Variants in RPS20 observed in about 807,000 individuals in gnomAD.
RPS20 encodes the protein small ribosomal subunit protein uS10.
A neutral mutation model predicts 15.3 loss-of-function variants in RPS20; 3 were observed. That is an observed-to-expected ratio of 0.20 (90% confidence interval 0.09 to 0.51). The LOEUF is 0.51. Ranked by LOEUF, RPS20 falls within the 20% of genes least tolerant of loss-of-function variation. The pLI is 0.96. For synonymous variants in RPS20, 62 were observed against 47.8 expected (o/e 1.30, Z -1.23); for missense variants, 67 against 145.9 (o/e 0.46, Z 2.79).
rs773566296 is a variant in RPS20 at position 56,073,084 on chromosome 8, G to C, written c.*6C>G. 2 of 1,589,792 alleles carry C rather than the reference G, an allele frequency of 1.3e-6. No homozygotes were observed. The highest frequency in any genetic ancestry group is 2.2e-5 in the South Asian group (2 of 90,126). On this transcript the variant is annotated 3_prime_UTR_variant, in exon 4 of 4. Transcript: ENST00000009589. ...AACTGGTCATCAATTTATTAAAATA[G>C]TTGACTTAAGCATCTGCAATGGTGA...
chr8:56,071,051 G>A (rs1005769561), downstream of RPS20, among the ~76,000 whole-genome samples: 1 of 152,172 alleles, frequency 6.6e-6, no homozygotes, highest in African/African-American at 2.4e-5. Flanking sequence ...GATAACAGCA[G>A]TTTCAAATTT....
At chr8:56,072,034 A>T (rs1809775356), downstream of RPS20, among the ~76,000 whole-genome samples, 1 of 152,164 alleles carries the variant, frequency 6.6e-6, no homozygotes. Flanking sequence ...TTGAGTCTTC[A>T]GAGTTCCAGA....
chr8:56,070,913 A>C (rs989164359), downstream of RPS20, among the ~76,000 whole-genome samples: 1 of 152,200 alleles, frequency 6.6e-6, no homozygotes, highest in East Asian at 1.9e-4. Context: ...TCCATACAAG[A>C]TGGCCTGTTA....
intron 2 of RPS20, 124 bp downstream of exon 2, chr8:56,073,936 T>C (rs187764317): frequency 5.4e-6 from 6 of 1,116,136 alleles, no homozygotes; most frequent in Middle Eastern, 2.0e-4. Context: ...TAAGCCACGC[T>C]TTACTTTTTT....
downstream of RPS20, chr8:56,068,424 G>A (rs1245710535): frequency 6.6e-6 from 1 of 151,544 alleles, no homozygotes; most frequent in African/African-American, 2.4e-5. Flanking sequence ...TGTAGTCTCA[G>A]CTACTCAGGA....
In RPS20 at chr8:56,074,071, G is replaced by T; in HGVS notation, c.92C>A (p.Ser31Tyr). 1 of 1,613,576 alleles carries T rather than the reference G, an allele frequency of 6.2e-7. No homozygotes were observed. The highest frequency in any genetic ancestry group is 8.5e-7 in the Non-Finnish European group (1 of 1,179,712). Residue 31 changes from serine (S) to tyrosine (Y), a missense_variant, in exon 2 of 4, where the codon TCC becomes TAC. By Grantham distance (144) the Ser-to-Tyr change is moderately radical. Transcript: ENST00000009589. ...RITLTSRNVKSLEKVCADLIR... is the reference protein window; with the variant it reads ...RITLTSRNVKYLEKVCADLIR... ...ACGAATGCACTGACCCTTTTCCAAG[G>T]ATTTTACGTTGCGGCTTGTTAGGGT...
Position 56,073,675 on chromosome 8 carries a change from G to A in RPS20, c.177+20C>T. On this transcript the variant is annotated intron_variant, in intron 3 of 3. Transcript: ENST00000009589. The stretch of plus-strand genomic sequence containing the variant: ...CATCCGGAAGCAACTCCTACTTCCT[G>A]CCCCTCCGATTTACTTTACCTTGGT... 6.2e-7 allele frequency: 1 copy of A among 1,604,636 alleles called. No homozygotes were observed. The highest frequency in any genetic ancestry group is 1.3e-5 in the African/African-American group (1 of 74,820).
downstream of RPS20, among the ~76,000 whole-genome samples, chr8:56,069,538 A>G (rs1809697592): frequency 6.6e-6 from 1 of 152,178 alleles, no homozygotes; most frequent in Admixed American, 6.5e-5. Flanking sequence ...ACCTCAGGTG[A>G]TCCGCCCACC....
At chr8:56,072,550 C>A (rs1212361450), downstream of RPS20, among the ~76,000 whole-genome samples, 2 of 135,028 alleles carry the variant, frequency 1.5e-5, no homozygotes, top group East Asian at 2.0e-4. Context: ...AAACGCCGTC[C>A]CCCCCCCCAA....
chr8:56,070,830 A>C (rs1465029351), downstream of RPS20, among the ~76,000 whole-genome samples: 1 of 152,198 alleles, frequency 6.6e-6, no homozygotes, highest in Non-Finnish European at 1.5e-5. Flanking sequence ...CTACACCAGA[A>C]GCAGTGCTCT....
downstream of RPS20, chr8:56,073,028 G>A: frequency 1.9e-6 from 3 of 1,565,620 alleles, no homozygotes; most frequent in South Asian, 2.3e-5. Context: ...AAATCTGCCA[G>A]TATTCTGAAT....
At chr8:56,071,127 C>T (rs967269157), downstream of RPS20, among the ~76,000 whole-genome samples, 1 of 152,178 alleles carries the variant, frequency 6.6e-6, no homozygotes, top group Non-Finnish European at 1.5e-5. Context: ...ACACTTTAAC[C>T]ATTGTGAAAA....
chr8:56,071,870 G>C (rs184278702), downstream of RPS20, among the ~76,000 whole-genome samples: 22 of 152,292 alleles, frequency 1.4e-4, no homozygotes, highest in East Asian at 1.7e-3. Context: ...ACAATTTGTA[G>C]ATGTTCCATT....
rs1158021323 is a variant in RPS20 at position 56,073,487 on chromosome 8, A to C, written c.177+208T>G. On this transcript the variant is annotated intron_variant, in intron 3 of 3. Coordinates refer to ENST00000009589, the MANE Select transcript of RPS20 (RefSeq NM_001023.4). The stretch of plus-strand genomic sequence containing the variant: ...TAGAGCTTGCGCCTGTTAAGCACCA[A>C]AGCACACCAAGAACACAGCAACAAT... 1.7e-5 allele frequency: 11 copies of C among 637,880 alleles called. No homozygotes were observed. In the African/African-American group the frequency reaches 2.0e-4, roughly 12 times the overall value. The allele number at this position is 637,880 out of a possible 1,614,324, so 39.5% of individuals were successfully genotyped here.
chr8:56,068,650 G>GGTA (rs1809671055), downstream of RPS20: 2 of 151,346 alleles, frequency 1.3e-5, no homozygotes, highest in South Asian at 4.2e-4. Context: ...ACAAATGGAG[G>GGTA]GTAGGGCTAA....
chr8:56,072,418 C>T (rs112653206), downstream of RPS20, among the ~76,000 whole-genome samples: 20,662 of 151,168 alleles, frequency 0.14, 1,931 homozygotes, highest in South Asian at 0.25. Context: ...CAGGCTTGGT[C>T]GCAGGCACTT....
chr8:56,074,325 G>C, intron 1 of RPS20, 56 bp downstream of exon 1: 1 of 1,546,842 alleles, frequency 6.5e-7, no homozygotes, highest in Non-Finnish European at 8.7e-7. Flanking sequence ...CGAAACCGGG[G>C]TCCCCCCGGC....
In RPS20 at chr8:56,073,906, T is replaced by G. The variant is rs1291147434; in HGVS notation, c.104-138A>C. On this transcript the variant is annotated intron_variant, in intron 2 of 3. Transcript: ENST00000009589. ...ATAGGTACCTCCTCATCGCCAGCTG[T>G]ATGACAGTAAAAGCAATTTTAAGCC... is the stretch of plus-strand genomic sequence containing the variant. The G allele has an allele frequency of 3.7e-6, 4 of 1,088,334 alleles. No individual in the cohort carries two copies. The African/African-American group carries it at 6.2e-5, about 17-fold the overall frequency. 67.4% of individuals were successfully genotyped at this position (1,088,334 alleles called of 1,614,324 possible).
At chr8:56,073,954 T>G (rs866299798) in intron 2 of RPS20, 106 bp downstream of exon 2, 1 of 1,161,630 alleles carries the variant, frequency 8.6e-7, no homozygotes, top group African/African-American at 1.5e-5. Flanking sequence ...TTTAAGTAAC[T>G]TGTCACTTTA....
Sources: gnomAD v4.1 joint callset for allele counts (sites outside exome capture counted in the v4.1 genomes callset) on GRCh38, gnomAD v4.1.1 for gene constraint, MANE v1.5 for transcripts, NCBI Gene and HGNC (gene_info 2026-07-23, HGNC 2026-07-21) for gene names.